Variants in CACNA1E observed in about 807,000 individuals in gnomAD.
The protein encoded by CACNA1E is calcium voltage-gated channel subunit alpha1 E.
A neutral mutation model predicts 259.2 loss-of-function variants in CACNA1E; 40 were observed. That is an observed-to-expected ratio of 0.15 (90% confidence interval 0.12 to 0.20). The LOEUF (loss-of-function observed/expected upper bound fraction) is 0.20, where lower values mean the gene tolerates loss of function less well. Ranked by LOEUF, CACNA1E falls within the 10% of genes least tolerant of loss-of-function variation. The pLI, the probability that CACNA1E is intolerant of heterozygous loss-of-function variation, is 1.00. For missense variants in CACNA1E, 1,874 were observed against 3,040.1 expected (o/e 0.62, Z 9.02); for synonymous variants, 1,104 against 1,138.5 (o/e 0.97, Z 0.61).
intron 6 of CACNA1E, among the ~76,000 whole-genome samples, chr1:181,646,794 G>A (rs1658305862): frequency 6.6e-6 from 1 of 152,170 alleles, no homozygotes; most frequent in African/African-American, 2.4e-5. Flanking sequence ...GTCCCCTGGA[G>A]ATTAATGTGA....
chr1:181,664,933 A>G (rs542980873), intron 7 of CACNA1E, among the ~76,000 whole-genome samples: 19 of 152,346 alleles, frequency 1.2e-4, no homozygotes, highest in African/African-American at 4.6e-4. Context: ...TTTAAAGCGA[A>G]CTGTTGACAA....
chr1:181,732,627 G>A lies in CACNA1E; in HGVS notation c.2541G>A (p.Glu847=). The part of the protein sequence containing the change: ...ALGLALEKFE[E]ERISRGGSLK... The stretch of plus-strand genomic sequence containing the variant: ...GCCTGGCCCTGGAGAAGTTCGAGGA[G>A]GAGCGCATCAGCCGTGGGGGGTCCC... The change falls in exon 20 of 48, where the codon GAG becomes GAA. Residue 847 remains glutamate, a synonymous_variant. Transcript: ENST00000367573. This position sits in a 1 kb window ranked among gnomAD's most constrained non-coding sequence, Gnocchi z 5.5. 6.7e-7 allele frequency: 1 copy of A among 1,491,502 alleles called. No homozygotes were observed. Among genetic ancestry groups the A allele is most frequent in the Admixed American group, 2.6e-5 (1 of 39,196 alleles). The allele number at this position is 1,491,502 out of a possible 1,614,324, so 92.4% of individuals were successfully genotyped here. A position where few individuals can be genotyped will look rare whatever the true frequency, so the allele number is the denominator to read the frequency against.
At chr1:181,430,974 A>G (rs565178241) in intron 2 of CACNA1E, among the ~76,000 whole-genome samples, 1 of 152,358 alleles carries the variant, frequency 6.6e-6, no homozygotes, top group South Asian at 2.1e-4. Context: ...TTAGATTTCT[A>G]GAAACACACA....
At chr1:181,556,153 T>A (rs1572197549) in intron 3 of CACNA1E, among the ~76,000 whole-genome samples, 2 of 151,818 alleles carry the variant, frequency 1.3e-5, no homozygotes, top group African/African-American at 2.4e-5. Context: ...GCAGGATGGG[T>A]TTTCTGGCTT....
intron 7 of CACNA1E, among the ~76,000 whole-genome samples, chr1:181,669,498 G>C (rs1329645962): frequency 6.6e-6 from 1 of 152,126 alleles, no homozygotes; most frequent in Non-Finnish European, 1.5e-5. Flanking sequence ...CTTCATCTGG[G>C]TTCCCATTGC....
At chr1:181,620,990 A>T (rs1655671125) in intron 6 of CACNA1E, among the ~76,000 whole-genome samples, 1 of 152,226 alleles carries the variant, frequency 6.6e-6, no homozygotes, top group Non-Finnish European at 1.5e-5. Flanking sequence ...AGGGAAAAAA[A>T]GCATGGAAAA....
intron 6 of CACNA1E, among the ~76,000 whole-genome samples, chr1:181,587,000 G>A (rs1165668523): frequency 6.6e-6 from 1 of 152,202 alleles, no homozygotes; most frequent in Admixed American, 6.5e-5. Context: ...ACAGGTGTGT[G>A]TGTGTGGTGT....
At position 181,724,519 on chromosome 1, in the gene CACNA1E, C is replaced by T. The variant is rs372607441; in HGVS notation, c.2124C>T (p.Asn708=). The part of the protein sequence containing the change: ...FLAIAVDNLA[N]AQELTKDEQE... ...CTATCGCTGTGGATAATCTCGCCAACGCCCAGGAACTGACCAAGGTAAGCA... is the reference window on the plus strand; with the variant it reads ...CTATCGCTGTGGATAATCTCGCCAATGCCCAGGAACTGACCAAGGTAAGCA... Residue 708 remains asparagine, a synonymous_variant, in exon 17 of 48, where the codon AAC becomes AAT. Transcript: ENST00000367573. 1.3e-4 allele frequency: 216 copies of T among 1,612,654 alleles called. 1 individual carries two copies. The African/African-American group carries it at 1.7e-3, about 13-fold the overall frequency.
chr1:181,486,412 C>T (rs1663822872), intron 1 of CACNA1E, among the ~76,000 whole-genome samples: 1 of 152,218 alleles, frequency 6.6e-6, no homozygotes, highest in South Asian at 2.1e-4. Context: ...AATATATTCC[C>T]TCTGGTGGTG....
At chr1:181,783,424 C>G (rs555571198) in intron 39 of CACNA1E, among the ~76,000 whole-genome samples, 1 of 152,226 alleles carries the variant, frequency 6.6e-6, no homozygotes, top group African/African-American at 2.4e-5. Context: ...TTAGGGAAGC[C>G]CCTTCCCTTT....
At chr1:181,414,523 C>T (rs570499853) in intron 2 of CACNA1E, among the ~76,000 whole-genome samples, 63 of 152,212 alleles carry the variant, frequency 4.1e-4, no homozygotes, top group African/African-American at 1.4e-3. Flanking sequence ...GAATGTATGC[C>T]GGGCTCCTGG....
intron 1 of CACNA1E, among the ~76,000 whole-genome samples, chr1:181,344,274 C>T: frequency 6.6e-6 from 1 of 152,218 alleles, no homozygotes; most frequent in East Asian, 1.9e-4. Context: ...ACTAACACTG[C>T]TTGCTAAATC....
At chr1:181,771,662 C>T (rs1460071201) in intron 36 of CACNA1E, 1 of 476,580 alleles carries the variant, frequency 2.1e-6, no homozygotes, top group Non-Finnish European at 3.7e-6. Context: ...GAGAAAATTT[C>T]ATCAATGTCT....
intron 1 of CACNA1E, among the ~76,000 whole-genome samples, chr1:181,346,882 C>G (rs1347987223): frequency 6.6e-6 from 1 of 152,156 alleles, no homozygotes; most frequent in Non-Finnish European, 1.5e-5. Flanking sequence ...AAGGAAGTCT[C>G]TCTATGGAAG....
chr1:181,641,873 C>A (rs191311362), intron 6 of CACNA1E, among the ~76,000 whole-genome samples: 51 of 151,896 alleles, frequency 3.4e-4, no homozygotes, highest in African/African-American at 1.1e-3. Context: ...GTCACCACAC[C>A]CAGCTAATTT....
intron 39 of CACNA1E, among the ~76,000 whole-genome samples, chr1:181,781,807 G>A (rs905667495): frequency 2.0e-5 from 3 of 152,184 alleles, no homozygotes; most frequent in African/African-American, 7.2e-5. Context: ...GACAAGCAGT[G>A]TTAAGTGGTG....
chr1:181,750,402 T>TCTGTACC, intron 25 of CACNA1E, 74 bp from the exon 26 acceptor site: 1 of 1,346,822 alleles, frequency 7.4e-7, no homozygotes, highest in South Asian at 1.2e-5. Flanking sequence ...GTCTTTCTTC[T>TCTGTACC]CTCTACCCCA....
chr1:181,517,220 AAGG>A (rs1367018480), intron 3 of CACNA1E, among the ~76,000 whole-genome samples: 4 of 152,182 alleles, frequency 2.6e-5, no homozygotes, highest in Non-Finnish European at 5.9e-5. Flanking sequence ...CTGGGCAGGG[AAGG>A]AGAAGAGCCC....
chr1:181,807,059 A>G lies in CACNA1E; in HGVS notation c.*8225A>G. On this transcript the variant is annotated 3_prime_UTR_variant, in exon 48 of 48. Coordinates refer to ENST00000367573, the MANE Select transcript of CACNA1E (RefSeq NM_001205293.3). ...TGTTACCCCAGCTATTCAGGAAGCTAGGGCAGAAGGATTGCTTGAGGCTAG... is the reference window on the plus strand; with the variant it reads ...TGTTACCCCAGCTATTCAGGAAGCTGGGGCAGAAGGATTGCTTGAGGCTAG... The G allele has an allele frequency of 6.6e-6, 1 of 151,950 alleles. No individual in the cohort carries two copies. Among genetic ancestry groups the G allele is most frequent in the Non-Finnish European group, 1.5e-5 (1 of 67,956 alleles). The allele number at this position is 151,950 out of a possible 1,614,324, so 9.4% of individuals were successfully genotyped here. A position where few individuals can be genotyped will look rare whatever the true frequency, so the allele number is the denominator to read the frequency against.
Sources: gnomAD v4.1 joint callset for allele counts (sites outside exome capture counted in the v4.1 genomes callset) on GRCh38, gnomAD v4.1.1 for gene constraint, Gnocchi (gnomAD v3.1) non-coding constraint, MANE v1.5 for transcripts, NCBI Gene and HGNC (gene_info 2026-07-23, HGNC 2026-07-21) for gene names.